FMN1: variants seen among roughly 807,000 people sequenced by gnomAD.
The protein encoded by FMN1 is formin 1, also known as formin-1.
FMN1 carries 110 observed loss-of-function variants against 132.4 expected under a neutral mutation model. The ratio of observed to expected loss-of-function variants is 0.83; its 90% CI spans 0.71 to 0.97. FMN1 has a LOEUF of 0.97. FMN1 is among the 50% of genes least tolerant of loss of function. The pLI, the probability that FMN1 is intolerant of heterozygous loss-of-function variation, is 0.00. For synonymous variants in FMN1, 722 were observed against 651.7 expected (o/e 1.11, Z -1.64); for missense variants, 1,792 against 1,705.3 (o/e 1.05, Z -0.90).
intron 16 of FMN1, among the ~76,000 whole-genome samples, chr15:32,874,017 GTTTTTTT>G (rs962842419): frequency 7.8e-5 from 9 of 115,104 alleles, no homozygotes; most frequent in Non-Finnish European, 1.1e-4. Flanking sequence ...TATTTTAGTT[GTTTTTTT>G]TTTTTTTTTT....
chr15:32,979,488 G>A (rs983834688), intron 7 of FMN1, among the ~76,000 whole-genome samples: 37 of 150,612 alleles, frequency 2.5e-4, no homozygotes, highest in African/African-American at 7.8e-4. Flanking sequence ...CCCGGGAGGC[G>A]GAGCTTGTAG....
intron 5 of FMN1, among the ~76,000 whole-genome samples, chr15:33,086,754 A>G (rs2038712800): frequency 6.6e-6 from 1 of 152,228 alleles, no homozygotes; most frequent in Admixed American, 6.5e-5. Flanking sequence ...TGGGAACAAA[A>G]CCAAAAACTT....
intron 18 of FMN1, among the ~76,000 whole-genome samples, chr15:32,801,711 C>T (rs963464924): frequency 6.6e-6 from 1 of 152,204 alleles, no homozygotes; most frequent in Admixed American, 6.5e-5. Flanking sequence ...AGGAGAATGG[C>T]GTGAACCTGG....
intron 6 of FMN1, among the ~76,000 whole-genome samples, chr15:33,016,793 G>A (rs371935617): frequency 1.3e-5 from 2 of 152,178 alleles, no homozygotes; most frequent in African/African-American, 4.8e-5. Flanking sequence ...ACACACCTGG[G>A]CGATCTGATA....
chr15:33,088,733 T>C, intron 5 of FMN1, 66 bp downstream of exon 5: 2 of 1,323,918 alleles, frequency 1.5e-6, no homozygotes, highest in Non-Finnish European at 2.0e-6. Context: ...TTACATTAAA[T>C]ACATATTAAA....
At chr15:32,789,758 C>T (rs1383720266) in intron 19 of FMN1, among the ~76,000 whole-genome samples, 1 of 152,138 alleles carries the variant, frequency 6.6e-6, no homozygotes, top group Non-Finnish European at 1.5e-5. Flanking sequence ...TGGTTAAGCG[C>T]CCTACACAGG....
At chr15:33,089,864 G>A (rs559340014) in intron 4 of FMN1, among the ~76,000 whole-genome samples, 1 of 152,202 alleles carries the variant, frequency 6.6e-6, no homozygotes, top group Non-Finnish European at 1.5e-5. Flanking sequence ...TTACGGTCAA[G>A]TAAGTGTGAG....
In FMN1 at chr15:32,802,654, G is replaced by A. The variant is rs114558713; in HGVS notation, c.3980+1627C>T. Reference sequence around the variant, plus strand: ...AGAGCTAATGCACGGCAGCAGTTTCGGCCCCTCCACGCTGGGCCCCCTTTT... The same window carrying A: ...AGAGCTAATGCACGGCAGCAGTTTCAGCCCCTCCACGCTGGGCCCCCTTTT... On this transcript the variant is annotated intron_variant, in intron 18 of 20. Transcript: ENST00000616417. 3.1e-3 allele frequency among the ~76,000 whole-genome samples: 472 copies of A among 152,238 alleles called. 9 individuals carry two copies. Among genetic ancestry groups the A allele is most frequent in the African/African-American group, 0.011 (451 of 41,548 alleles).
chr15:33,177,369 G>C (rs924944040), intron 3 of FMN1, among the ~76,000 whole-genome samples: 1 of 152,186 alleles, frequency 6.6e-6, no homozygotes, highest in Non-Finnish European at 1.5e-5. Flanking sequence ...CTTCACCTGA[G>C]ATGGTTTCTA....
rs949815478 is a variant in FMN1 at position 32,897,192 on chromosome 15, G to A, written c.3714+1642C>T. ...ATTTCCCTGGATGATTAGTGATGTT[G>A]GCACCTGTTGGCTATTTGTTTGTCT... On this transcript the variant is annotated intron_variant, in intron 15 of 20. Transcript: ENST00000616417. Among the ~76,000 whole-genome samples, 55 of 151,836 alleles carry A rather than the reference G, an allele frequency of 3.6e-4. 4 individuals are homozygous for A. The highest frequency in any genetic ancestry group is 7.4e-5 in the Non-Finnish European group (5 of 67,776).
chr15:33,000,703 A>C (rs1291821073), intron 7 of FMN1, among the ~76,000 whole-genome samples: 2 of 152,238 alleles, frequency 1.3e-5, no homozygotes, highest in Non-Finnish European at 2.9e-5. Context: ...TATATTAATC[A>C]ATTAGGGTAG....
chr15:32,858,508 T>G (rs1394676775), intron 16 of FMN1, among the ~76,000 whole-genome samples: 1 of 152,212 alleles, frequency 6.6e-6, no homozygotes, highest in Non-Finnish European at 1.5e-5. Context: ...GATACAGGGA[T>G]GCTAGGTCAC....
At chr15:33,018,867 G>A (rs2035241323) in intron 6 of FMN1, among the ~76,000 whole-genome samples, 1 of 152,162 alleles carries the variant, frequency 6.6e-6, no homozygotes, top group Non-Finnish European at 1.5e-5. Context: ...CAGCACGTCT[G>A]GAGTTGTTCG....
At chr15:33,054,759 C>G (rs1359570549) in intron 6 of FMN1, among the ~76,000 whole-genome samples, 1 of 152,176 alleles carries the variant, frequency 6.6e-6, no homozygotes. Context: ...GGCTGAAATT[C>G]TTTCCAACAG....
chr15:33,077,330 C>T (rs190361053), intron 5 of FMN1, among the ~76,000 whole-genome samples: 6 of 147,310 alleles, frequency 4.1e-5, no homozygotes, highest in African/African-American at 1.0e-4. Flanking sequence ...CCACTGCGCC[C>T]GGCCCATCCT....
chr15:32,869,831 G>C (rs1450002368), intron 16 of FMN1, among the ~76,000 whole-genome samples: 1 of 152,178 alleles, frequency 6.6e-6, no homozygotes, highest in Non-Finnish European at 1.5e-5. Flanking sequence ...GTGAGATGAA[G>C]ACAGAGAAAT....
chr15:33,125,445 G>A (rs200802391), intron 4 of FMN1, among the ~76,000 whole-genome samples: 4 of 147,004 alleles, frequency 2.7e-5, no homozygotes, highest in Admixed American at 6.9e-5. Flanking sequence ...ATGTGTAGAA[G>A]ATTATTTAAA....
intron 6 of FMN1, among the ~76,000 whole-genome samples, chr15:33,061,208 G>A (rs961422011): frequency 2.6e-5 from 4 of 152,156 alleles, no homozygotes; most frequent in Non-Finnish European, 5.9e-5. Flanking sequence ...CTGAGGGAAG[G>A]TACCACAGGT....
chr15:33,092,581 C>A (rs1002511695), intron 4 of FMN1, among the ~76,000 whole-genome samples: 1 of 152,142 alleles, frequency 6.6e-6, no homozygotes, highest in Non-Finnish European at 1.5e-5. Flanking sequence ...TCGAATGAGA[C>A]GTGGAACATC....
Sources: allele counts gnomAD v4.1 joint callset (sites outside exome capture counted in the v4.1 genomes callset), GRCh38; gene constraint gnomAD v4.1.1; transcripts MANE v1.5; gene names NCBI Gene and HGNC (gene_info 2026-07-23, HGNC 2026-07-21).